The following FRMD3 variants were observed in gnomAD, a reference collection of about 807,000 sequenced individuals.
FRMD3 encodes FERM domain-containing protein 3.
A neutral mutation model predicts 70.2 loss-of-function variants in FRMD3; 33 were observed. That is an observed-to-expected ratio of 0.47 (90% CI 0.36 to 0.63). FRMD3 has a LOEUF of 0.63. Ranked by LOEUF, FRMD3 falls within the 20% of genes least tolerant of loss-of-function variation. The pLI is 0.00. For missense variants in FRMD3, 632 were observed against 711.4 expected, an observed-to-expected ratio of 0.89 and a Z score of 1.27; for synonymous variants, 279 against 255.9, an observed-to-expected ratio of 1.09 and a Z score of -0.86.
chr9:83,389,760 C>G (rs773848811), intron 1 of FRMD3, 52 bp from the exon 2 acceptor site: 1 of 1,276,826 alleles, frequency 7.8e-7, no homozygotes, highest in Non-Finnish European at 1.1e-6. Flanking sequence ...TGTGCATTCA[C>G]GTCCTCAGGG....
intron 1 of FRMD3, among the ~76,000 whole-genome samples, chr9:83,404,069 C>T (rs1366770386): frequency 5.9e-5 from 2 of 33,964 alleles, no homozygotes; most frequent in South Asian, 2.3e-3. Flanking sequence ...CATACACACG[C>T]ACACACACAC....
the FRMD3 span, among the ~76,000 whole-genome samples, chr9:83,548,064 G>A: frequency 6.6e-6 from 1 of 152,194 alleles, no homozygotes; most frequent in Admixed American, 6.5e-5. Flanking sequence ...AACTGACACT[G>A]ACAATACCAA....
intron 3 of FRMD3, among the ~76,000 whole-genome samples, chr9:83,372,370 GAA>G (rs34110409): frequency 0.13 from 2,349 of 18,362 alleles, 60 homozygotes; most frequent in African/African-American, 0.32. Flanking sequence ...AGAGAGAGAC[GAA>G]AAAAAAAAAA....
intron 1 of FRMD3, among the ~76,000 whole-genome samples, chr9:83,504,809 T>G (rs1406071350): frequency 2.6e-5 from 4 of 152,188 alleles, no homozygotes; most frequent in African/African-American, 9.7e-5. Context: ...CTCTCCCTAC[T>G]AGAATATAAG....
At chr9:83,559,945 A>G in the FRMD3 span, among the ~76,000 whole-genome samples, 1 of 152,054 alleles carries the variant, frequency 6.6e-6, no homozygotes, top group Non-Finnish European at 1.5e-5. Flanking sequence ...ATAAGTATAT[A>G]CAGAGTTTTA....
intron 13 of FRMD3, among the ~76,000 whole-genome samples, chr9:83,264,814 AG>A (rs397893397): frequency 1.4e-5 from 2 of 144,624 alleles, no homozygotes; most frequent in Non-Finnish European, 3.1e-5. Context: ...TTGTGGGGGG[AG>A]GGGGGAAGGT....
intron 12 of FRMD3, among the ~76,000 whole-genome samples, chr9:83,293,210 C>G (rs548620430): frequency 3.3e-5 from 5 of 152,228 alleles, no homozygotes; most frequent in South Asian, 4.2e-4. Context: ...GATAAAAATT[C>G]GCCATGAGCA....
chr9:83,538,312 CT>C lies in FRMD3; in HGVS notation c.-82del. 7.5e-7 allele frequency: 1 copy of C among 1,327,762 alleles called. No individual in the cohort carries two copies. Among genetic ancestry groups the C allele is most frequent in the South Asian group, 1.6e-5 (1 of 61,806 alleles). The allele number at this position is 1,327,762 out of a possible 1,614,324, so 82.2% of individuals were successfully genotyped here. On this transcript the variant is annotated 5_prime_UTR_variant, in exon 1 of 14. Coordinates refer to ENST00000304195, the MANE Select transcript of FRMD3 (RefSeq NM_174938.6). This position sits in a 1 kb window ranked among gnomAD's most constrained non-coding sequence, Gnocchi z 4.7. The stretch of plus-strand genomic sequence containing the variant: ...GCGCGGACACACACGCTCGCACGCA[CT>C]GTCCGGGACACCTGGGCGCGGCTCA...
At chr9:83,547,135 G>A in the FRMD3 span, among the ~76,000 whole-genome samples, 7 of 150,236 alleles carry the variant, frequency 4.7e-5, no homozygotes, top group East Asian at 3.9e-4. Flanking sequence ...GAATCAAGAC[G>A]TTAGGACAAC....
At position 83,246,526 on chromosome 9, in the gene FRMD3, A is replaced by G. The variant is rs1394630843; in HGVS notation, c.*1392T>C. 1 of 982,712 alleles carries G rather than the reference A, an allele frequency of 1.0e-6. No individual in the cohort carries two copies. Among genetic ancestry groups the G allele is most frequent in the Non-Finnish European group, 1.2e-6 (1 of 827,758 alleles). 60.9% of individuals were successfully genotyped at this position (982,712 alleles called of 1,614,324 possible). On this transcript the variant is annotated 3_prime_UTR_variant, in exon 14 of 14. Transcript: ENST00000304195. ...CCAGGCTGAACTGGTATGTCATCTC[A>G]TGAGGCCTCTCCAGTTTCTCTATGG...
At chr9:83,272,499 C>T (rs1399446080) in intron 13 of FRMD3, among the ~76,000 whole-genome samples, 1 of 152,154 alleles carries the variant, frequency 6.6e-6, no homozygotes, top group Admixed American at 6.5e-5. Flanking sequence ...CCCAAAGTGC[C>T]GAGATTGCAG....
At chr9:83,381,950 A>G (rs1476516487) in intron 2 of FRMD3, among the ~76,000 whole-genome samples, 1 of 152,188 alleles carries the variant, frequency 6.6e-6, no homozygotes, top group African/African-American at 2.4e-5. Context: ...ATTTACAAAA[A>G]CAGTTGGAAA....
At chr9:83,300,413 C>G (rs10867984) in intron 10 of FRMD3, among the ~76,000 whole-genome samples, 73,821 of 151,992 alleles carry the variant, frequency 0.49, 20,416 homozygotes, top group East Asian at 0.64. Flanking sequence ...GAACTCAAAA[C>G]ACTCAATTAT....
rs954980825 is a variant in FRMD3 at position 83,527,567 on chromosome 9, C to T, written c.147+10518G>A. Among the ~76,000 whole-genome samples the T allele has an allele frequency of 3.3e-5, 5 of 152,282 alleles. No individual in the cohort carries two copies. The South Asian group carries it at 1.0e-3, about 32-fold the overall frequency. The stretch of plus-strand genomic sequence containing the variant: ...TAAATTCCACTGATGTCTGACTATT[C>T]CAGATGTGGTCCACAGACCAGCCAC... On this transcript the variant is annotated intron_variant, in intron 1 of 13. Transcript: ENST00000304195.
chr9:83,444,941 T>C (rs529742696), intron 1 of FRMD3, among the ~76,000 whole-genome samples: 1 of 152,362 alleles, frequency 6.6e-6, no homozygotes, highest in Non-Finnish European at 1.5e-5. Context: ...ACAGCCTCAA[T>C]ACCTGTGGTT....
chr9:83,509,731 A>G (rs1829292779), intron 1 of FRMD3, among the ~76,000 whole-genome samples: 2 of 152,180 alleles, frequency 1.3e-5, no homozygotes, highest in Admixed American at 6.5e-5. Context: ...TTACTACTGC[A>G]TGTGAATCTA....
At chr9:83,541,565 G>C (rs562252728), upstream of FRMD3, among the ~76,000 whole-genome samples, 14 of 152,218 alleles carry the variant, frequency 9.2e-5, no homozygotes, top group Non-Finnish European at 1.5e-4. Flanking sequence ...TGCCATCTTT[G>C]AAAAGCACCA....
At chr9:83,528,798 G>T (rs929199224) in intron 1 of FRMD3, among the ~76,000 whole-genome samples, 1 of 152,100 alleles carries the variant, frequency 6.6e-6, no homozygotes, top group Admixed American at 6.6e-5. Flanking sequence ...AAAGTGCTGG[G>T]ATTACAGGCA....
chr9:83,550,830 T>A, the FRMD3 span, among the ~76,000 whole-genome samples: 35,598 of 151,916 alleles, frequency 0.23, 4,510 homozygotes, highest in East Asian at 0.37. Flanking sequence ...TGATTTTGTA[T>A]CCTGGAATTT....
Sources: allele counts gnomAD v4.1 joint callset (sites outside exome capture counted in the v4.1 genomes callset), GRCh38; gene constraint gnomAD v4.1.1; non-coding constraint Gnocchi (gnomAD v3.1); transcripts MANE v1.5; gene names NCBI Gene and HGNC (gene_info 2026-07-23, HGNC 2026-07-21).